Variants in MAML3 observed in about 807,000 individuals in gnomAD.
The protein encoded by MAML3 is mastermind-like protein 3.
In MAML3, 27 loss-of-function variants were observed where a neutral mutation model predicts 101.9. That is an observed-to-expected ratio of 0.27 (90% confidence interval 0.20 to 0.37). The LOEUF (loss-of-function observed/expected upper bound fraction) is 0.37. Among genes scored for constraint, MAML3 ranks in the 10% least tolerant of loss-of-function variants. MAML3 has a pLI of 1.00. For missense variants in MAML3, 1,316 were observed against 1,444.9 expected (o/e 0.91, Z 1.45); for synonymous variants, 501 against 555.9 (o/e 0.90, Z 1.39).
At chr4:140,074,929 G>A (rs1011133166) in intron 1 of MAML3, among the ~76,000 whole-genome samples, 2 of 152,118 alleles carry the variant, frequency 1.3e-5, no homozygotes, top group East Asian at 1.9e-4. Flanking sequence ...AATGAATTTC[G>A]TGTTTAGAAT....
chr4:140,070,128 A>G (rs1482727036), intron 1 of MAML3, among the ~76,000 whole-genome samples: 2 of 151,916 alleles, frequency 1.3e-5, no homozygotes, highest in Non-Finnish European at 2.9e-5. Context: ...ATAAATAAAT[A>G]AATAAATAAA....
At chr4:139,802,632 C>G (rs2111104314) in intron 2 of MAML3, among the ~76,000 whole-genome samples, 2 of 152,140 alleles carry the variant, frequency 1.3e-5, no homozygotes, top group East Asian at 3.9e-4. Flanking sequence ...GCAGGCTTCC[C>G]TGAGTGCCCC....
chr4:140,104,521 G>C (rs962618828), intron 1 of MAML3, among the ~76,000 whole-genome samples: 3 of 136,010 alleles, frequency 2.2e-5, no homozygotes, highest in African/African-American at 8.4e-5. Context: ...GGCTCAGGCT[G>C]GAGTATACTG....
chr4:140,073,487 G>A (rs1466145132), intron 1 of MAML3, among the ~76,000 whole-genome samples: 1 of 151,978 alleles, frequency 6.6e-6, no homozygotes, highest in Non-Finnish European at 1.5e-5. Flanking sequence ...GAGAGACTCT[G>A]GTACTATAGA....
chr4:140,134,951 G>A (rs1358028221), intron 1 of MAML3, among the ~76,000 whole-genome samples: 2 of 152,200 alleles, frequency 1.3e-5, no homozygotes, highest in East Asian at 1.9e-4. Flanking sequence ...CCTCTCCCAG[G>A]ACCGAGTAGC....
intron 1 of MAML3, among the ~76,000 whole-genome samples, chr4:140,006,240 G>A (rs1464309892): frequency 2.0e-5 from 3 of 152,022 alleles, no homozygotes; most frequent in Admixed American, 6.6e-5. Flanking sequence ...GGAAGGGGGA[G>A]GGGTCCATAG....
chr4:139,792,063 A>G (rs1056665012), intron 2 of MAML3, among the ~76,000 whole-genome samples: 2 of 152,248 alleles, frequency 1.3e-5, no homozygotes, highest in African/African-American at 4.8e-5. Context: ...CGCTACATAC[A>G]TTTTTGTTGC....
At chr4:140,136,880 T>C (rs907420260) in intron 1 of MAML3, among the ~76,000 whole-genome samples, 6 of 152,284 alleles carry the variant, frequency 3.9e-5, no homozygotes, top group Non-Finnish European at 7.3e-5. Flanking sequence ...TGAACAACCT[T>C]AGGAAATTTA....
At chr4:140,151,332 G>A (rs929375260) in intron 1 of MAML3, among the ~76,000 whole-genome samples, 4 of 151,906 alleles carry the variant, frequency 2.6e-5, no homozygotes, top group Admixed American at 1.3e-4. Context: ...TGGGAGGAGG[G>A]AAGGATTCTT....
chr4:139,839,125 A>G (rs1731313827), intron 2 of MAML3, among the ~76,000 whole-genome samples: 1 of 152,186 alleles, frequency 6.6e-6, no homozygotes, highest in Admixed American at 6.5e-5. Flanking sequence ...CATGGACACC[A>G]CTTGCCATCA....
intron 1 of MAML3, among the ~76,000 whole-genome samples, chr4:140,032,881 A>C (rs1230600751): frequency 1.4e-3 from 1 of 726 alleles, no homozygotes. Flanking sequence ...ATTGTTTGTA[A>C]AAAAAAAAAA....
At chr4:139,875,798 T>C (rs2111181675) in intron 2 of MAML3, among the ~76,000 whole-genome samples, 1 of 152,170 alleles carries the variant, frequency 6.6e-6, no homozygotes, top group Admixed American at 6.5e-5. Context: ...GCCGGCTGGG[T>C]TGGCTTATCC....
In MAML3 at chr4:139,819,819, A is replaced by G. The variant is rs903392217; in HGVS notation, c.2079+69538T>C. ...AACTGACCATGAGTGTTGATATTTT[A>G]CACTTTATGACAAAAGTCCTTCCAG... On this transcript the variant is annotated intron_variant, in intron 2 of 4. Transcript: ENST00000509479. 6.1e-5 allele frequency among the ~76,000 whole-genome samples: 9 copies of G among 146,744 alleles called. 1 individual carries two copies. The highest frequency in any genetic ancestry group is 1.2e-4 in the Non-Finnish European group (8 of 65,402).
intron 2 of MAML3, among the ~76,000 whole-genome samples, chr4:139,867,364 T>C (rs1416521515): frequency 6.6e-6 from 1 of 152,142 alleles, no homozygotes; most frequent in African/African-American, 2.4e-5. Context: ...AAAGTTAAAA[T>C]CCATAGGCCT....
chr4:139,850,295 C>T (rs1411152322), intron 2 of MAML3, among the ~76,000 whole-genome samples: 1 of 152,196 alleles, frequency 6.6e-6, no homozygotes, highest in African/African-American at 2.4e-5. Context: ...CTCAGCACTC[C>T]TCGTTCATCC....
chr4:139,875,973 T>C (rs1330807052), intron 2 of MAML3, among the ~76,000 whole-genome samples: 1 of 149,730 alleles, frequency 6.7e-6, no homozygotes, highest in Non-Finnish European at 1.5e-5. Context: ...ATTACTTTTC[T>C]GATCACAGAA....
intron 2 of MAML3, among the ~76,000 whole-genome samples, chr4:139,864,637 C>G (rs1731854243): frequency 7.3e-6 from 1 of 136,820 alleles, no homozygotes; most frequent in Admixed American, 7.8e-5. Flanking sequence ...GATCGCGTCA[C>G]TGCCCTCCAG....
At position 139,790,074 on chromosome 4, in the gene MAML3, C is replaced by G. The variant is rs1174756271; in HGVS notation, c.2080-59407G>C. Among the ~76,000 whole-genome samples the G allele has an allele frequency of 4.6e-5, 7 of 151,692 alleles. No homozygotes were observed. In the South Asian group the frequency reaches 8.3e-4, roughly 18 times the overall value. On this transcript the variant is annotated intron_variant, in intron 2 of 4. Coordinates refer to ENST00000509479, the MANE Select transcript of MAML3 (RefSeq NM_018717.5). ...AGGCACTTTTAACTAACGACTCTCT[C>G]AGGACCCAGGACCAACAAATTTCTT...
chr4:140,010,575 A>G (rs1428729032), intron 1 of MAML3, among the ~76,000 whole-genome samples: 1 of 152,222 alleles, frequency 6.6e-6, no homozygotes, highest in Non-Finnish European at 1.5e-5. Context: ...AAATAAGTCA[A>G]TAAGTGTTGC....
Sources: gnomAD v4.1 joint callset for allele counts (sites outside exome capture counted in the v4.1 genomes callset) on GRCh38, gnomAD v4.1.1 for gene constraint, MANE v1.5 for transcripts, NCBI Gene and HGNC (gene_info 2026-07-23, HGNC 2026-07-21) for gene names.